CNTN4: variants seen among roughly 807,000 people sequenced by gnomAD.
CNTN4 encodes the protein contactin 4, also known as contactin-4.
In CNTN4, 77 loss-of-function variants were observed where a neutral mutation model predicts 122.5. The observed-to-expected ratio is 0.63, with a 90% CI of 0.52 to 0.76. The LOEUF (loss-of-function observed/expected upper bound fraction) is 0.76. Ranked by LOEUF, CNTN4 falls within the 30% of genes least tolerant of loss-of-function variation. The probability of loss-of-function intolerance (pLI) is 0.00; values close to 1 mark genes in which losing one functional copy is unlikely to be tolerated. For missense variants in CNTN4, 1,256 were observed against 1,259.1 expected (o/e 1.00, Z 0.04); for synonymous variants, 512 against 447.0 (o/e 1.15, Z -1.83).
intron 2 of CNTN4, among the ~76,000 whole-genome samples, chr3:2,221,087 T>G (rs537150813): frequency 6.6e-6 from 1 of 152,184 alleles, no homozygotes; most frequent in South Asian, 2.1e-4. Flanking sequence ...TGATGAAACA[T>G]CTAATAGAGA....
intron 8 of CNTN4, among the ~76,000 whole-genome samples, chr3:2,872,715 C>T (rs899963509): frequency 1.3e-5 from 2 of 152,042 alleles, no homozygotes; most frequent in Admixed American, 6.6e-5. Flanking sequence ...CCTTTCTCTC[C>T]TCCATTTCTA....
chr3:2,436,087 A>G (rs956170440), intron 3 of CNTN4, among the ~76,000 whole-genome samples: 8 of 152,172 alleles, frequency 5.3e-5, no homozygotes, highest in African/African-American at 1.9e-4. Flanking sequence ...TTGCTTTGAG[A>G]GAGCAGTAGC....
chr3:2,294,234 T>C lies in CNTN4; in HGVS notation c.-144-44944T>C, dbSNP rs150644320. On this transcript the variant is annotated intron_variant, in intron 2 of 24. Coordinates refer to ENST00000418658, the MANE Select transcript of CNTN4 (RefSeq NM_175607.3). Reference sequence around the variant, plus strand: ...GGACCTGAGAAACAGACAAAACCTATTGATGTCAGGAGCTGCCAAGTTACA... The same window carrying C: ...GGACCTGAGAAACAGACAAAACCTACTGATGTCAGGAGCTGCCAAGTTACA... Among the ~76,000 whole-genome samples the C allele has an allele frequency of 1.9e-3, 289 of 151,708 alleles. 2 individuals are homozygous for C. Among genetic ancestry groups the C allele is most frequent in the African/African-American group, 6.5e-3 (270 of 41,460 alleles).
In CNTN4 at chr3:2,172,260, A is replaced by T. The variant is rs575329351; in HGVS notation, c.-145+71621A>T. 1.1e-3 allele frequency among the ~76,000 whole-genome samples: 161 copies of T among 152,312 alleles called. 1 individual carries two copies. Among genetic ancestry groups the T allele is most frequent in the African/African-American group, 3.7e-3 (152 of 41,566 alleles). On this transcript the variant is annotated intron_variant, in intron 2 of 24. Coordinates refer to ENST00000418658, the MANE Select transcript of CNTN4 (RefSeq NM_175607.3). ...AATAATGTCTTTTTCAGCAACTTAG[A>T]TGGAGCTGGAGGCCATTATTCTAAA...
chr3:2,119,913 A>G (rs987215976), intron 2 of CNTN4, among the ~76,000 whole-genome samples: 6 of 152,158 alleles, frequency 3.9e-5, no homozygotes, highest in Admixed American at 1.3e-4. Context: ...GAGAAAAGGA[A>G]AGTGCTGAGA....
At chr3:2,889,142 G>A (rs991741185) in intron 10 of CNTN4, among the ~76,000 whole-genome samples, 2 of 152,194 alleles carry the variant, frequency 1.3e-5, no homozygotes, top group Non-Finnish European at 2.9e-5. Context: ...TGGAAACTGG[G>A]CAGAGATTTC....
intron 2 of CNTN4, among the ~76,000 whole-genome samples, chr3:2,199,189 T>C (rs2037980314): frequency 1.3e-5 from 2 of 152,200 alleles, no homozygotes; most frequent in Non-Finnish European, 2.9e-5. Flanking sequence ...AAATACATAT[T>C]GAACTATGCA....
rs80279524 is a variant in CNTN4, at chr3:2,515,407, T to C, written c.-88-56009T>C. ...TAGCCCATTTCAAGGTAGCAGGATA[T>C]TAAAGAGCTTGATTTTTAAAAAGAG... is the stretch of plus-strand genomic sequence containing the variant. On this transcript the variant is annotated intron_variant, in intron 3 of 24. Coordinates refer to ENST00000418658, the MANE Select transcript of CNTN4 (RefSeq NM_175607.3). 8.0e-4 allele frequency among the ~76,000 whole-genome samples: 122 copies of C among 152,272 alleles called. No individual in the cohort carries two copies. In the East Asian group the frequency reaches 0.02, roughly 25 times the overall value.
At chr3:2,221,329 T>C (rs2149490786) in intron 2 of CNTN4, among the ~76,000 whole-genome samples, 1 of 152,236 alleles carries the variant, frequency 6.6e-6, no homozygotes, top group Non-Finnish European at 1.5e-5. Flanking sequence ...CACATTAACA[T>C]TTCTGTCTTT....
At chr3:2,376,180 T>G (rs2045808933) in intron 3 of CNTN4, among the ~76,000 whole-genome samples, 1 of 152,282 alleles carries the variant, frequency 6.6e-6, no homozygotes, top group East Asian at 1.9e-4. Context: ...CACTATAAAT[T>G]TGAAGACACC....
At chr3:2,429,889 G>C (rs13083551) in intron 3 of CNTN4, among the ~76,000 whole-genome samples, 1 of 152,056 alleles carries the variant, frequency 6.6e-6, no homozygotes, top group Admixed American at 6.5e-5. Flanking sequence ...AGCCACGCGC[G>C]GGATATAATT....
At position 2,564,039 on chromosome 3, in the gene CNTN4, T is replaced by G. The variant is rs184329651; in HGVS notation, c.-88-7377T>G. On this transcript the variant is annotated intron_variant, in intron 3 of 24. Transcript: ENST00000418658. The stretch of plus-strand genomic sequence containing the variant: ...ATGTTTGTATTTGTGTATTCCTGTC[T>G]GTCATTGGGAATGATTAAGAGAGTT... Among the ~76,000 whole-genome samples the G allele has an allele frequency of 2.4e-3, 366 of 152,336 alleles. 3 individuals carry two copies. Among genetic ancestry groups the G allele is most frequent in the African/African-American group, 8.3e-3 (346 of 41,602 alleles).
chr3:3,023,886 C>T (rs900512824), intron 14 of CNTN4, among the ~76,000 whole-genome samples: 19 of 152,116 alleles, frequency 1.2e-4, no homozygotes, highest in African/African-American at 4.6e-4. Flanking sequence ...ATGTGGACAT[C>T]GTGTTTTCAG....
At chr3:2,166,805 T>G (rs1559303778) in intron 2 of CNTN4, among the ~76,000 whole-genome samples, 1 of 152,112 alleles carries the variant, frequency 6.6e-6, no homozygotes, top group Non-Finnish European at 1.5e-5. Context: ...GAAACATTAC[T>G]TACATATGCT....
intron 2 of CNTN4, among the ~76,000 whole-genome samples, chr3:2,210,142 A>T (rs908154775): frequency 5.9e-5 from 9 of 152,098 alleles, no homozygotes; most frequent in Non-Finnish European, 1.0e-4. Context: ...TTGTTTAATA[A>T]GTTATGGTTG....
intron 2 of CNTN4, among the ~76,000 whole-genome samples, chr3:2,194,587 G>A (rs540400945): frequency 6.6e-6 from 1 of 152,240 alleles, no homozygotes; most frequent in Admixed American, 6.5e-5. Context: ...CTCAGAATAT[G>A]ACTTTATTTG....
At chr3:2,323,541 A>C (rs569375130) in intron 2 of CNTN4, among the ~76,000 whole-genome samples, 1 of 152,256 alleles carries the variant, frequency 6.6e-6, no homozygotes, top group Admixed American at 6.5e-5. Context: ...CTTAGATTTA[A>C]ATGATCACCT....
intron 4 of CNTN4, among the ~76,000 whole-genome samples, chr3:2,579,083 T>C (rs1402116690): frequency 6.6e-6 from 1 of 152,166 alleles, no homozygotes; most frequent in African/African-American, 2.4e-5. Flanking sequence ...CCAAAAGTTA[T>C]TAGAAATGTT....
At chr3:2,580,691 A>C (rs557561624) in intron 4 of CNTN4, among the ~76,000 whole-genome samples, 1 of 152,206 alleles carries the variant, frequency 6.6e-6, no homozygotes, top group Non-Finnish European at 1.5e-5. Flanking sequence ...TTTGCTTAAC[A>C]GTCTATTTAA....
Sources: allele counts gnomAD v4.1 joint callset (sites outside exome capture counted in the v4.1 genomes callset), GRCh38; gene constraint gnomAD v4.1.1; transcripts MANE v1.5; gene names NCBI Gene and HGNC (gene_info 2026-07-23, HGNC 2026-07-21).